Variants in REEP2 observed in about 807,000 individuals in gnomAD.
REEP2 encodes receptor accessory protein 2.
REEP2 carries 9 observed loss-of-function variants against 32.1 expected under a neutral mutation model. The ratio of observed to expected loss-of-function variants is 0.28; its 90% CI spans 0.17 to 0.49. The LOEUF (loss-of-function observed/expected upper bound fraction) is 0.49, where lower values mean the gene tolerates loss of function less well. REEP2 is among the 20% of genes least tolerant of loss of function. The probability of loss-of-function intolerance (pLI) is 0.99; values close to 1 mark genes in which losing one functional copy is unlikely to be tolerated. For synonymous variants in REEP2, 128 were observed against 139.1 expected (o/e 0.92, Z 0.56); for missense variants, 236 against 338.0 (o/e 0.70, Z 2.37).
rs199944674 is a variant in REEP2 at position 138,444,506 on chromosome 5, G to A, written c.274G>A (p.Val92Met). ...CTCCAGCGTGCTCTACCGCAAGTTC[G>A]TGCACCCAACGCTGTCCAACAAGGA... ...KGSSVLYRKF[V>M]HPTLSNKEKE... Residue 92 changes from valine to methionine, a missense_variant, in exon 4 of 8, where the codon GTG becomes ATG. By Grantham distance (21) the Val-to-Met change is conservative. Coordinates refer to ENST00000378339, the MANE Select transcript of REEP2 (RefSeq NM_001271803.2). 2 of 1,613,920 alleles carry A rather than the reference G, an allele frequency of 1.2e-6. No homozygotes were observed. Among genetic ancestry groups the A allele is most frequent in the African/African-American group, 1.3e-5 (1 of 74,886 alleles).
At chr5:138,439,746 G>A (rs1464201679) in intron 1 of REEP2, 5 of 456,562 alleles carry the variant, frequency 1.1e-5, no homozygotes, top group South Asian at 6.2e-5. Flanking sequence ...GACTGGGGAC[G>A]AGGGCATATG....
chr5:138,444,638 CAAAGT>C, intron 4 of REEP2, 103 bp downstream of exon 4: 5 of 1,571,416 alleles, frequency 3.2e-6, no homozygotes, highest in Non-Finnish European at 4.3e-6. Context: ...GCCCAGAGCC[CAAAGT>C]GACTTGGCAG....
chr5:138,445,682 G>A lies in REEP2; in HGVS notation c.697-1G>A. On this transcript the variant is annotated splice_acceptor_variant, in intron 7 of 7. Transcript: ENST00000378339. LOFTEE classifies it high-confidence loss of function. Reference sequence around the variant, plus strand: ...CCCCATCTTCCTCCTTCTTTCCACAGCCACTGGCTTCCAAGACACTGAAGA... The same window carrying A: ...CCCCATCTTCCTCCTTCTTTCCACAACCACTGGCTTCCAAGACACTGAAGA... The A allele has an allele frequency of 6.2e-7, 1 of 1,614,158 alleles. No homozygotes were observed. Among genetic ancestry groups the A allele is most frequent in the South Asian group, 1.1e-5 (1 of 91,086 alleles).
rs201508416 is a variant in REEP2 at position 138,445,212 on chromosome 5, G to C, written c.418-16G>C. On this transcript the variant is annotated splice_polypyrimidine_tract_variant and intron_variant, in intron 5 of 7. Transcript: ENST00000378339. ...CCCTTCCCCCCGGCTCTCCCGGTGC[G>C]TGGTGGTGACCCTAGGGCCAGGGGG... is the stretch of plus-strand genomic sequence containing the variant. 1 of 1,577,834 alleles carries C rather than the reference G, an allele frequency of 6.3e-7. No individual in the cohort carries two copies. The highest frequency in any genetic ancestry group is 8.6e-7 in the Non-Finnish European group (1 of 1,164,032).
chr5:138,443,282 G>A (rs1280848579), intron 3 of REEP2, among the ~76,000 whole-genome samples: 4 of 151,750 alleles, frequency 2.6e-5, no homozygotes, highest in Admixed American at 1.3e-4. Flanking sequence ...CCAACATGGT[G>A]AAACCCCTTA....
Position 138,446,615 on chromosome 5 carries a change from C to T in REEP2, c.*864C>T. 1 of 153,194 alleles carries T rather than the reference C, an allele frequency of 6.5e-6. No homozygotes were observed. Among genetic ancestry groups the T allele is most frequent in the Non-Finnish European group, 1.5e-5 (1 of 68,808 alleles). The allele number at this position is 153,194 out of a possible 1,614,324, so 9.5% of individuals were successfully genotyped here. ...GACCTTGCTCCCTTTTAGGTCACCC[C>T]ATTGCCACCGTGCCCCTGGGCTGGA... On this transcript the variant is annotated 3_prime_UTR_variant, in exon 8 of 8. Transcript: ENST00000378339.
intron 3 of REEP2, among the ~76,000 whole-genome samples, chr5:138,442,823 T>C (rs1342304037): frequency 6.8e-6 from 1 of 148,128 alleles, no homozygotes; most frequent in Non-Finnish European, 1.5e-5. Context: ...ATCGAGCCAC[T>C]GCACTCCAGT....
At position 138,441,770 on chromosome 5, in the gene REEP2, C is replaced by CA. The variant is rs563152738; in HGVS notation, c.182+319dup. ...TGAAACCCCGTCTCCACTAAAAATA[C>CA]AAAAAAAAAATAGCTGGGCATGGTG... On this transcript the variant is annotated intron_variant, in intron 3 of 7. Coordinates refer to ENST00000378339, the MANE Select transcript of REEP2 (RefSeq NM_001271803.2). This position sits in a 1 kb window ranked among gnomAD's most constrained non-coding sequence, Gnocchi z 4.4. Among the ~76,000 whole-genome samples the CA allele has an allele frequency of 0.031, 4,573 of 147,936 alleles. 80 individuals are homozygous for CA. Among genetic ancestry groups the CA allele is most frequent in the Admixed American group, 0.043 (640 of 14,872 alleles).
intron 3 of REEP2, among the ~76,000 whole-genome samples, chr5:138,442,923 G>T (rs1264029421): frequency 1.3e-5 from 2 of 152,098 alleles, no homozygotes; most frequent in East Asian, 3.9e-4. Context: ...CTACTTGGGA[G>T]GCTGAGACAG....
rs540501613 is a variant in REEP2, at chr5:138,441,754, G to A, written c.182+293G>A. 6.6e-5 allele frequency among the ~76,000 whole-genome samples: 10 copies of A among 151,880 alleles called. No homozygotes were observed. In the East Asian group the frequency reaches 1.5e-3, roughly 23 times the overall value. ...AGCCTGGCCAACATGGTGAAACCCC[G>A]TCTCCACTAAAAATACAAAAAAAAA... On this transcript the variant is annotated intron_variant, in intron 3 of 7. Transcript: ENST00000378339. The surrounding 1 kb of genome is among the most constrained non-coding windows in gnomAD (Gnocchi z 4.4).
At chr5:138,444,619 C>A (rs1580979264) in intron 4 of REEP2, 84 bp downstream of exon 4, 1 of 1,576,148 alleles carries the variant, frequency 6.3e-7, no homozygotes, top group South Asian at 1.1e-5. Flanking sequence ...GACTGGCCCT[C>A]CCTGTGGGGC....
At position 138,441,165 on chromosome 5, in the gene REEP2, G is replaced by A. The variant is rs1183488380; in HGVS notation, c.105+77G>A. 6.3e-7 allele frequency: 1 copy of A among 1,578,258 alleles called. No individual in the cohort carries two copies. Among genetic ancestry groups the A allele is most frequent in the Non-Finnish European group, 8.7e-7 (1 of 1,155,538 alleles). Reference sequence around the variant, plus strand: ...GAGGGCACTGGGTCCTATTACAGATGGGGGTGACTTTGCACCAACACTGTC... The same window carrying A: ...GAGGGCACTGGGTCCTATTACAGATAGGGGTGACTTTGCACCAACACTGTC... On this transcript the variant is annotated intron_variant, in intron 2 of 7. Transcript: ENST00000378339. The surrounding 1 kb of genome is among the most constrained non-coding windows in gnomAD (Gnocchi z 4.4).
chr5:138,445,435 G>T, intron 6 of REEP2, 33 bp from the exon 7 acceptor site: 3 of 1,613,932 alleles, frequency 1.9e-6, no homozygotes, highest in Middle Eastern at 1.7e-4. Flanking sequence ...AGATGGGAAA[G>T]ATTCCCCCAC....
At chr5:138,445,075 C>T in intron 5 of REEP2, 153 bp from the exon 6 acceptor site, 1 of 947,982 alleles carries the variant, frequency 1.1e-6, no homozygotes. Context: ...CAAAGTGTGG[C>T]CCTGCCCCAG....
At chr5:138,444,282 A>G in intron 3 of REEP2, 133 bp from the exon 4 acceptor site, 2 of 1,036,654 alleles carry the variant, frequency 1.9e-6, no homozygotes, top group Non-Finnish European at 2.8e-6. Context: ...GAGCAGTCCC[A>G]TGAGCCCCAT....
chr5:138,445,617 G>A lies in REEP2; in HGVS notation c.696+19G>A. 1 of 1,614,192 alleles carries A rather than the reference G, an allele frequency of 6.2e-7. No homozygotes were observed. The highest frequency in any genetic ancestry group is 8.5e-7 in the Non-Finnish European group (1 of 1,180,008). On this transcript the variant is annotated intron_variant, in intron 7 of 7. Transcript: ENST00000378339. ...AGCTGAGGTGAGGGCACTGGCCAGA[G>A]CTTGGGGAAACAGGCAGGGGGTGGC...
intron 1 of REEP2, 63 bp downstream of exon 1, chr5:138,439,303 G>A (rs1042649486): frequency 1.1e-4 from 151 of 1,387,116 alleles, no homozygotes; most frequent in Non-Finnish European, 1.4e-4. Context: ...GTTAAAGCCC[G>A]GGTGGACTTC....
At position 138,445,493 on chromosome 5, in the gene REEP2, G is replaced by A; in HGVS notation, c.591G>A (p.Arg197=). ...DLGDDPALSL[R]SSTNPADSRT... is the part of the protein sequence containing the mutation. ...GAGATGACCCTGCCCTGAGTCTAAG[G>A]TCCAGCACAAACCCGGCAGATTCCC... The change falls in exon 7 of 8, where the codon AGG becomes AGA. Residue 197 remains arginine, a synonymous_variant. Coordinates refer to ENST00000378339, the MANE Select transcript of REEP2 (RefSeq NM_001271803.2). The A allele has an allele frequency of 6.2e-7, 1 of 1,614,158 alleles. No homozygotes were observed. Among genetic ancestry groups the A allele is most frequent in the Non-Finnish European group, 8.5e-7 (1 of 1,180,020 alleles).
intron 3 of REEP2, chr5:138,444,197 T>G: frequency 2.0e-6 from 1 of 498,806 alleles, no homozygotes; most frequent in Non-Finnish European, 3.5e-6. Context: ...CTGGGGGAAA[T>G]TCCTTCTAGT....
Sources: allele counts gnomAD v4.1 joint callset (sites outside exome capture counted in the v4.1 genomes callset), GRCh38; gene constraint gnomAD v4.1.1; non-coding constraint Gnocchi (gnomAD v3.1); transcripts MANE v1.5; gene names NCBI Gene and HGNC (gene_info 2026-07-23, HGNC 2026-07-21).